UNC5C: variants seen among roughly 807,000 people sequenced by gnomAD.
The protein encoded by UNC5C is netrin receptor UNC5C.
A neutral mutation model predicts 99.8 loss-of-function variants in UNC5C; 47 were observed. That is an observed-to-expected ratio of 0.47 (90% CI 0.37 to 0.60). The LOEUF (loss-of-function observed/expected upper bound fraction) is 0.60, where lower values mean the gene tolerates loss of function less well. Ranked by LOEUF, UNC5C falls within the 20% of genes least tolerant of loss-of-function variation. UNC5C has a pLI of 0.00. For missense variants in UNC5C, 1,062 were observed against 1,165.9 expected, an observed-to-expected ratio of 0.91 and a Z score of 1.30; for synonymous variants, 487 against 452.2, an observed-to-expected ratio of 1.08 and a Z score of -0.98.
intron 14 of UNC5C, among the ~76,000 whole-genome samples, chr4:95,174,444 C>G (rs1165663554): frequency 2.6e-5 from 4 of 152,022 alleles, no homozygotes; most frequent in Non-Finnish European, 5.9e-5. Flanking sequence ...TATGTTGTGT[C>G]TTTGTTCTCG....
At position 95,284,394 on chromosome 4, in the gene UNC5C, G is replaced by C. The variant is rs144751164; in HGVS notation, c.491-6032C>G. Among the ~76,000 whole-genome samples the C allele has an allele frequency of 6.0e-3, 911 of 152,248 alleles. 7 individuals carry two copies. Among genetic ancestry groups the C allele is most frequent in the African/African-American group, 0.02 (832 of 41,544 alleles). On this transcript the variant is annotated intron_variant, in intron 3 of 15. Coordinates refer to ENST00000453304, the MANE Select transcript of UNC5C (RefSeq NM_003728.4). ...TAAATACACATTTTAGGGGGGAAAA[G>C]CTTATCCTTTGTGGAGTAAGGTACT...
chr4:95,281,206 C>A (rs1247654102), intron 3 of UNC5C, among the ~76,000 whole-genome samples: 1 of 152,086 alleles, frequency 6.6e-6, no homozygotes, highest in Non-Finnish European at 1.5e-5. Flanking sequence ...ATCAAGATAT[C>A]ACAAAATGAG....
At chr4:95,298,784 A>G (rs536436394) in intron 3 of UNC5C, among the ~76,000 whole-genome samples, 25 of 152,248 alleles carry the variant, frequency 1.6e-4, no homozygotes, top group Non-Finnish European at 3.1e-4. Context: ...ACCAACCCCA[A>G]TACCCACAAT....
At chr4:95,493,360 G>C (rs769125474) in intron 1 of UNC5C, among the ~76,000 whole-genome samples, 2 of 151,254 alleles carry the variant, frequency 1.3e-5, no homozygotes, top group Admixed American at 6.6e-5. Context: ...ATTACAATGC[G>C]GAATTCATGG....
chr4:95,473,384 A>G (rs1748034974), intron 1 of UNC5C, among the ~76,000 whole-genome samples: 1 of 152,092 alleles, frequency 6.6e-6, no homozygotes, highest in South Asian at 2.1e-4. Context: ...CCCACTTTGT[A>G]GTTAAGCAAT....
At chr4:95,528,708 A>T (rs913402290) in intron 1 of UNC5C, among the ~76,000 whole-genome samples, 1 of 152,254 alleles carries the variant, frequency 6.6e-6, no homozygotes, top group Non-Finnish European at 1.5e-5. Flanking sequence ...GAGCGACTCA[A>T]GAAATTAGAG....
chr4:95,404,991 C>T (rs1177394692), intron 1 of UNC5C, among the ~76,000 whole-genome samples: 2 of 152,172 alleles, frequency 1.3e-5, no homozygotes, highest in Non-Finnish European at 2.9e-5. Flanking sequence ...CCATGCCCCC[C>T]TTCCAGCTTC....
chr4:95,362,492 C>T (rs1375673058), intron 1 of UNC5C, among the ~76,000 whole-genome samples: 1 of 152,100 alleles, frequency 6.6e-6, no homozygotes, highest in Non-Finnish European at 1.5e-5. Context: ...AGAATGTGGT[C>T]AGGTCATCAT....
intron 4 of UNC5C, among the ~76,000 whole-genome samples, chr4:95,267,213 C>A (rs577404245): frequency 6.6e-6 from 1 of 152,348 alleles, no homozygotes; most frequent in Admixed American, 6.5e-5. Flanking sequence ...GCCTCTCCCT[C>A]AGTGCTGCAT....
At chr4:95,274,484 T>C (rs977733569) in intron 4 of UNC5C, among the ~76,000 whole-genome samples, 3 of 152,158 alleles carry the variant, frequency 2.0e-5, no homozygotes, top group Admixed American at 6.5e-5. Flanking sequence ...TCTAGAGTTC[T>C]GAAACTCTTG....
intron 1 of UNC5C, among the ~76,000 whole-genome samples, chr4:95,384,841 G>T (rs1381928975): frequency 6.6e-6 from 1 of 152,122 alleles, no homozygotes; most frequent in Non-Finnish European, 1.5e-5. Flanking sequence ...CAAAATTTAA[G>T]ATTCTTAAAG....
intron 5 of UNC5C, among the ~76,000 whole-genome samples, chr4:95,246,335 T>C (rs935150832): frequency 6.6e-6 from 1 of 151,958 alleles, no homozygotes; most frequent in African/African-American, 2.4e-5. Flanking sequence ...GGAGAGAGTA[T>C]TGCTTGAGAC....
chr4:95,495,511 GATA>G (rs1319027260), intron 1 of UNC5C, among the ~76,000 whole-genome samples: 1 of 151,582 alleles, frequency 6.6e-6, no homozygotes, highest in African/African-American at 2.4e-5. Flanking sequence ...ATAATAAAAA[GATA>G]ATAATTGATA....
At chr4:95,491,012 G>A (rs1426266778) in intron 1 of UNC5C, among the ~76,000 whole-genome samples, 11 of 151,566 alleles carry the variant, frequency 7.3e-5, no homozygotes, top group Non-Finnish European at 1.5e-5. Flanking sequence ...GAACAGAGTA[G>A]GCGCTTAATA....
chr4:95,320,019 T>C (rs1373274205), intron 2 of UNC5C, among the ~76,000 whole-genome samples: 3 of 152,196 alleles, frequency 2.0e-5, no homozygotes, highest in Non-Finnish European at 4.4e-5. Flanking sequence ...AGCTATGCTC[T>C]TTTGGAAGCG....
intron 1 of UNC5C, among the ~76,000 whole-genome samples, chr4:95,537,336 A>G (rs1722806253): frequency 6.6e-6 from 1 of 152,152 alleles, no homozygotes; most frequent in African/African-American, 2.4e-5. Context: ...TGTTACTTGT[A>G]CAGAGCTTCA....
chr4:95,467,012 T>C (rs910626789), intron 1 of UNC5C, among the ~76,000 whole-genome samples: 14 of 152,056 alleles, frequency 9.2e-5, no homozygotes, highest in African/African-American at 3.1e-4. Context: ...AAGCCAGCTG[T>C]CATGTAATGA....
chr4:95,402,426 A>G (rs554234290), intron 1 of UNC5C, among the ~76,000 whole-genome samples: 5 of 152,224 alleles, frequency 3.3e-5, no homozygotes, highest in Non-Finnish European at 7.3e-5. Flanking sequence ...TATAATCAGC[A>G]CAATCATTCT....
At chr4:95,176,661 C>T (rs950892397) in intron 14 of UNC5C, among the ~76,000 whole-genome samples, 11 of 152,216 alleles carry the variant, frequency 7.2e-5, no homozygotes, top group African/African-American at 2.7e-4. Flanking sequence ...CTGACAGGGA[C>T]ATTTAAGTCT....
Sources: allele counts gnomAD v4.1 joint callset (sites outside exome capture counted in the v4.1 genomes callset), GRCh38; gene constraint gnomAD v4.1.1; transcripts MANE v1.5; gene names NCBI Gene and HGNC (gene_info 2026-07-23, HGNC 2026-07-21).